Variants in SIPA1L1 observed in about 807,000 individuals in gnomAD.
The protein encoded by SIPA1L1 is signal-induced proliferation-associated 1-like protein 1.
A neutral mutation model predicts 162.7 loss-of-function variants in SIPA1L1; 26 were observed. The observed-to-expected ratio is 0.16, with a 90% CI of 0.12 to 0.22. SIPA1L1 has a LOEUF of 0.22. SIPA1L1 is among the 10% of genes least tolerant of loss of function. SIPA1L1 has a pLI of 1.00. For missense variants in SIPA1L1, 1,874 were observed against 2,241.0 expected, an observed-to-expected ratio of 0.84 and a Z score of 3.31; for synonymous variants, 829 against 837.4, an observed-to-expected ratio of 0.99 and a Z score of 0.17.
chr14:71,558,831 A>G (rs2056557168), intron 4 of SIPA1L1, among the ~76,000 whole-genome samples: 1 of 152,094 alleles, frequency 6.6e-6, no homozygotes, highest in Non-Finnish European at 1.5e-5. Flanking sequence ...CTACAGGTGC[A>G]CGCCGCTACA....
At chr14:71,380,163 A>C (rs1445691484) in intron 2 of SIPA1L1, among the ~76,000 whole-genome samples, 4 of 152,228 alleles carry the variant, frequency 2.6e-5, no homozygotes, top group Non-Finnish European at 4.4e-5. Flanking sequence ...AAGGGTTTAA[A>C]AACATACCTA....
At chr14:71,502,251 A>ATATATATATATATATATAT (rs1555440954) in intron 2 of SIPA1L1, among the ~76,000 whole-genome samples, 9 of 60,946 alleles carry the variant, frequency 1.5e-4, no homozygotes, top group Non-Finnish European at 2.1e-4. Flanking sequence ...TGAAAAAAAA[A>ATATATATATATATATATAT]AAAAATATAT....
chr14:71,512,252 C>T (rs1014266193), intron 2 of SIPA1L1, among the ~76,000 whole-genome samples: 1 of 152,138 alleles, frequency 6.6e-6, no homozygotes, highest in African/African-American at 2.4e-5. Flanking sequence ...GGAAGTCACT[C>T]TCTCTAAATC....
intron 2 of SIPA1L1, among the ~76,000 whole-genome samples, chr14:71,332,904 G>T (rs1298806569): frequency 6.6e-6 from 1 of 152,050 alleles, no homozygotes; most frequent in East Asian, 1.9e-4. Flanking sequence ...TAAGATTTAG[G>T]CCTTTTTATA....
intron 15 of SIPA1L1, among the ~76,000 whole-genome samples, chr14:71,703,179 T>G (rs1230293026): frequency 1.3e-5 from 2 of 152,226 alleles, no homozygotes; most frequent in Non-Finnish European, 2.9e-5. Flanking sequence ...CCTCAGGGAT[T>G]TGGTACCAAC....
chr14:71,342,030 G>T (rs1413504392), intron 2 of SIPA1L1, among the ~76,000 whole-genome samples: 3 of 151,934 alleles, frequency 2.0e-5, no homozygotes, highest in Admixed American at 1.3e-4. Context: ...TGGAGACAGG[G>T]TCTCACTTTG....
At chr14:71,470,466 A>G (rs772935530) in intron 2 of SIPA1L1, among the ~76,000 whole-genome samples, 3 of 152,188 alleles carry the variant, frequency 2.0e-5, no homozygotes, top group Non-Finnish European at 2.9e-5. Context: ...CTGCAGAATG[A>G]TTTCTTACAA....
intron 4 of SIPA1L1, among the ~76,000 whole-genome samples, chr14:71,577,730 CTT>C (rs5809525): frequency 2.1e-5 from 2 of 97,158 alleles, no homozygotes; most frequent in East Asian, 3.0e-4. Flanking sequence ...TTGGGCATGC[CTT>C]TTTTTTTTTT....
chr14:71,326,632 T>C (rs2033836956), intron 2 of SIPA1L1, among the ~76,000 whole-genome samples: 1 of 152,206 alleles, frequency 6.6e-6, no homozygotes, highest in Non-Finnish European at 1.5e-5. Context: ...GGTCAGTGTC[T>C]TTTACTCTGG....
At chr14:71,411,609 G>A (rs2042409211) in intron 2 of SIPA1L1, among the ~76,000 whole-genome samples, 1 of 152,208 alleles carries the variant, frequency 6.6e-6, no homozygotes, top group Non-Finnish European at 1.5e-5. Context: ...ATTCAGCAAA[G>A]CTTCCCAAGG....
chr14:71,592,171 A>G (rs1362690021), intron 5 of SIPA1L1, among the ~76,000 whole-genome samples: 1 of 152,172 alleles, frequency 6.6e-6, no homozygotes, highest in Non-Finnish European at 1.5e-5. Context: ...GAAGTTGTTC[A>G]GTGGAAGTCA....
intron 2 of SIPA1L1, among the ~76,000 whole-genome samples, chr14:71,343,746 G>A (rs2035887807): frequency 6.6e-6 from 1 of 152,206 alleles, no homozygotes; most frequent in Non-Finnish European, 1.5e-5. Context: ...CTGTTGTGGG[G>A]GACCATGCTG....
chr14:71,708,799 A>C (rs1373304939), intron 16 of SIPA1L1, among the ~76,000 whole-genome samples: 2 of 152,204 alleles, frequency 1.3e-5, no homozygotes, highest in Non-Finnish European at 2.9e-5. Flanking sequence ...GTCTCTCTAG[A>C]CATAAGTCTT....
intron 4 of SIPA1L1, among the ~76,000 whole-genome samples, chr14:71,560,859 A>AT (rs953357810): frequency 2.0e-5 from 3 of 151,802 alleles, no homozygotes; most frequent in African/African-American, 7.3e-5. Context: ...TAAATTAGGG[A>AT]TTTTTTTTCA....
intron 2 of SIPA1L1, among the ~76,000 whole-genome samples, chr14:71,459,247 C>T (rs886082980): frequency 5.9e-5 from 9 of 152,064 alleles, no homozygotes; most frequent in Non-Finnish European, 1.3e-4. Flanking sequence ...CGGGAACATA[C>T]TACAGATCGC....
intron 2 of SIPA1L1, among the ~76,000 whole-genome samples, chr14:71,327,196 C>T (rs1411563970): frequency 6.6e-6 from 1 of 151,422 alleles, no homozygotes; most frequent in Non-Finnish European, 1.5e-5. Context: ...GATTCTCCTG[C>T]AACAGCCTCC....
At chr14:71,392,293 C>T (rs919481935) in intron 2 of SIPA1L1, among the ~76,000 whole-genome samples, 7 of 152,158 alleles carry the variant, frequency 4.6e-5, no homozygotes, top group South Asian at 2.1e-4. Flanking sequence ...CTCTGTTGAT[C>T]GCTTTCTTCT....
intron 22 of SIPA1L1, among the ~76,000 whole-genome samples, chr14:71,737,520 C>T (rs866585270): frequency 2.0e-4 from 30 of 152,068 alleles, no homozygotes; most frequent in Middle Eastern, 3.2e-3. Context: ...GGGGTGAGAG[C>T]GTGCCCAGCC....
rs766365433 is a variant in SIPA1L1 at position 71,589,202 on chromosome 14, A to G, written c.1330A>G (p.Ser444Gly). The change falls in exon 5 of 24, where the codon AGT becomes GGT. Residue 444 changes from serine to glycine, a missense_variant. Physicochemically the swap from Ser to Gly is moderately conservative, Grantham distance 56. Transcript: ENST00000381232. ...TTCTGGCTCCTTTAGTGGATGTGAA[A>G]GTGCCTCCTTTGAGTCTACCCTTAG... ...SNSGSFSGCESASFESTLSSH... is the reference protein window; with the variant it reads ...SNSGSFSGCEGASFESTLSSH... 12 of 1,614,122 alleles carry G rather than the reference A, an allele frequency of 7.4e-6. No homozygotes were observed. Among genetic ancestry groups the G allele is most frequent in the Non-Finnish European group, 1.0e-5 (12 of 1,179,970 alleles).
Sources: gnomAD v4.1 joint callset for allele counts (sites outside exome capture counted in the v4.1 genomes callset) on GRCh38, gnomAD v4.1.1 for gene constraint, MANE v1.5 for transcripts, NCBI Gene and HGNC (gene_info 2026-07-23, HGNC 2026-07-21) for gene names.